The following PREP variants were observed in gnomAD, a reference collection of about 807,000 sequenced individuals.
PREP encodes dJ355L5.1 (prolyl endopeptidase).
PREP carries 29 observed loss-of-function variants against 87.6 expected under a neutral mutation model. The ratio of observed to expected loss-of-function variants is 0.33; its 90% CI spans 0.25 to 0.45. PREP has a LOEUF of 0.45. Among genes scored for constraint, PREP ranks in the 20% least tolerant of loss-of-function variants. The probability of loss-of-function intolerance (pLI) is 1.00; values close to 1 mark genes in which losing one functional copy is unlikely to be tolerated. For synonymous variants in PREP, 337 were observed against 328.6 expected, an observed-to-expected ratio of 1.03 and a Z score of -0.28; for missense variants, 695 against 886.5, an observed-to-expected ratio of 0.78 and a Z score of 2.74.
intron 10 of PREP, among the ~76,000 whole-genome samples, chr6:105,318,556 T>C (rs1481308913): frequency 1.3e-5 from 2 of 152,194 alleles, no homozygotes; most frequent in African/African-American, 4.8e-5. Flanking sequence ...ACACTCTGAA[T>C]ATGAACACTA....
At chr6:105,304,304 T>C (rs1427640114) in intron 10 of PREP, among the ~76,000 whole-genome samples, 1 of 152,186 alleles carries the variant, frequency 6.6e-6, no homozygotes, top group Non-Finnish European at 1.5e-5. Context: ...AACTTGAACA[T>C]CCTCAGATTT....
At chr6:105,332,335 A>G (rs539468751) in intron 8 of PREP, among the ~76,000 whole-genome samples, 69 of 152,240 alleles carry the variant, frequency 4.5e-4, no homozygotes, top group African/African-American at 1.6e-3. Flanking sequence ...CCTTCCAGGC[A>G]CAGAAAGCAT....
At chr6:105,331,500 G>A (rs947293088) in intron 8 of PREP, among the ~76,000 whole-genome samples, 3 of 152,136 alleles carry the variant, frequency 2.0e-5, no homozygotes, top group Admixed American at 6.5e-5. Context: ...GACTTGTGCC[G>A]GAAAACTCCT....
At chr6:105,382,317 T>G (rs1772865985) in intron 2 of PREP, among the ~76,000 whole-genome samples, 1 of 131,668 alleles carries the variant, frequency 7.6e-6, no homozygotes, top group Non-Finnish European at 1.7e-5. Context: ...ACACACAAAG[T>G]ATGTGAGGTA....
At position 105,373,413 on chromosome 6, in the gene PREP, C is replaced by G. The variant is rs964208019; in HGVS notation, c.551G>C (p.Gly184Ala). ...TTGAGGGTATGAGTTGTAGAACATT[C>G]CCTTCCCATCATGGGTCCAGGCCAT... ...SCMAWTHDGK[G>A]MFYNSYPQQD... Residue 184 changes from glycine (G) to alanine (A), a missense_variant, in exon 5 of 15, where the codon GGA becomes GCA. Gly to Ala is a moderately conservative substitution (Grantham distance 60). Transcript: ENST00000652536. The G allele has an allele frequency of 1.9e-6, 3 of 1,614,082 alleles. No individual in the cohort carries two copies. Among genetic ancestry groups the G allele is most frequent in the Non-Finnish European group, 2.5e-6 (3 of 1,180,038 alleles).
chr6:105,401,293 G>A (rs551543379), intron 1 of PREP, among the ~76,000 whole-genome samples: 1 of 152,304 alleles, frequency 6.6e-6, no homozygotes, highest in East Asian at 1.9e-4. Context: ...ACCACAGAAT[G>A]GGTAATTCTT....
intron 1 of PREP, among the ~76,000 whole-genome samples, chr6:105,402,230 A>G (rs1332973422): frequency 1.3e-5 from 2 of 152,036 alleles, no homozygotes; most frequent in Admixed American, 1.3e-4. Context: ...CGGCCACACT[A>G]TGGGGTCACT....
At chr6:105,282,022 A>G in intron 13 of PREP, 120 bp from the exon 14 acceptor site, 6 of 1,231,694 alleles carry the variant, frequency 4.9e-6, no homozygotes, top group Non-Finnish European at 6.6e-6. Context: ...TCCAGAGCAC[A>G]AGAGGAAACC....
chr6:105,380,738 G>T (rs1772814452), intron 2 of PREP, among the ~76,000 whole-genome samples: 2 of 152,120 alleles, frequency 1.3e-5, no homozygotes, highest in African/African-American at 2.4e-5. Context: ...GCATGCTGAG[G>T]GTCTTGGCTG....
At chr6:105,385,818 TA>T (rs894999563) in intron 2 of PREP, among the ~76,000 whole-genome samples, 1 of 152,096 alleles carries the variant, frequency 6.6e-6, no homozygotes, top group African/African-American at 2.4e-5. Flanking sequence ...AAAATGAGGC[TA>T]AAAAACACGA....
intron 2 of PREP, among the ~76,000 whole-genome samples, chr6:105,382,493 T>C (rs1208168665): frequency 6.6e-6 from 1 of 152,162 alleles, no homozygotes; most frequent in African/African-American, 2.4e-5. Flanking sequence ...AACTTTTCCC[T>C]TTCTAAATGG....
rs938200324 is a variant in PREP, at chr6:105,276,258, A to T, written c.*1886T>A. The stretch of plus-strand genomic sequence containing the variant: ...GGAGGCCAATCATGCTAGGCATTAA[A>T]AACGTATTACTGTATTCCTCCTCCT... On this transcript the variant is annotated 3_prime_UTR_variant, in exon 15 of 15. Coordinates refer to ENST00000652536, the MANE Select transcript of PREP (RefSeq NM_002726.5). 6.6e-6 allele frequency among the ~76,000 whole-genome samples: 1 copy of T among 152,256 alleles called. No individual in the cohort carries two copies. Among genetic ancestry groups the T allele is most frequent in the African/African-American group, 2.4e-5 (1 of 41,474 alleles).
intron 10 of PREP, among the ~76,000 whole-genome samples, chr6:105,290,254 G>A (rs1366921182): frequency 1.3e-5 from 2 of 152,082 alleles, no homozygotes; most frequent in African/African-American, 4.8e-5. Context: ...AAGTAAACAC[G>A]GAGTAAGAGG....
intron 2 of PREP, among the ~76,000 whole-genome samples, chr6:105,386,988 G>A (rs1281812787): frequency 1.3e-5 from 2 of 152,168 alleles, no homozygotes; most frequent in African/African-American, 2.4e-5. Context: ...CAAGGTGGGC[G>A]GATCACTTGA....
intron 10 of PREP, among the ~76,000 whole-genome samples, chr6:105,310,080 CAA>C (rs1191216543): frequency 6.6e-6 from 1 of 151,936 alleles, no homozygotes; most frequent in Non-Finnish European, 1.5e-5. Flanking sequence ...CACAGCTGTA[CAA>C]GTTATTCTAA....
intron 9 of PREP, among the ~76,000 whole-genome samples, chr6:105,325,975 A>C (rs1455972034): frequency 6.6e-6 from 1 of 152,206 alleles, no homozygotes; most frequent in East Asian, 1.9e-4. Context: ...GAGAAGTAGG[A>C]GTAGTCAGGA....
intron 2 of PREP, among the ~76,000 whole-genome samples, chr6:105,392,371 T>C (rs895062241): frequency 6.6e-6 from 1 of 152,132 alleles, no homozygotes; most frequent in Admixed American, 6.5e-5. Context: ...AACCTCCTTC[T>C]CTGGCCCTTC....
chr6:105,297,188 G>A (rs1280428625), intron 10 of PREP, among the ~76,000 whole-genome samples: 1 of 152,146 alleles, frequency 6.6e-6, no homozygotes, highest in Non-Finnish European at 1.5e-5. Context: ...CCTACACCCA[G>A]GCACCCATGT....
intron 5 of PREP, among the ~76,000 whole-genome samples, chr6:105,369,838 A>C (rs1014780587): frequency 2.0e-5 from 3 of 152,150 alleles, no homozygotes; most frequent in Non-Finnish European, 2.9e-5. Flanking sequence ...AACAAACAAA[A>C]AAACGATTAA....
Sources: allele counts gnomAD v4.1 joint callset (sites outside exome capture counted in the v4.1 genomes callset), GRCh38; gene constraint gnomAD v4.1.1; transcripts MANE v1.5; gene names NCBI Gene and HGNC (gene_info 2026-07-23, HGNC 2026-07-21).